The following CSMD1 variants were observed in gnomAD, a reference collection of about 807,000 sequenced individuals.
The protein encoded by CSMD1 is CUB and Sushi multiple domains 1.
A neutral mutation model predicts 417.5 loss-of-function variants in CSMD1; 213 were observed. That is an observed-to-expected ratio of 0.51 (90% confidence interval 0.46 to 0.57). The LOEUF (loss-of-function observed/expected upper bound fraction) is 0.57. Among genes scored for constraint, CSMD1 ranks in the 20% least tolerant of loss-of-function variants. CSMD1 has a pLI of 0.00. For missense variants in CSMD1, 6,923 were observed against 4,529.7 expected, an observed-to-expected ratio of 1.53 and a Z score of -15.17; for synonymous variants, 2,862 against 1,736.8, an observed-to-expected ratio of 1.65 and a Z score of -16.11.
chr8:3,247,023 G>C (rs977647467), intron 26 of CSMD1, among the ~76,000 whole-genome samples: 3 of 152,174 alleles, frequency 2.0e-5, no homozygotes, highest in African/African-American at 7.2e-5. Flanking sequence ...AGTGAACCAT[G>C]TATTCATTTT....
intron 3 of CSMD1, among the ~76,000 whole-genome samples, chr8:4,179,120 G>C (rs920275729): frequency 6.6e-6 from 1 of 152,150 alleles, no homozygotes; most frequent in African/African-American, 2.4e-5. Flanking sequence ...GCATCGCCAA[G>C]TCAATCCTAA....
At chr8:3,831,488 C>T (rs28737210) in intron 5 of CSMD1, among the ~76,000 whole-genome samples, 22,942 of 152,076 alleles carry the variant, frequency 0.15, 1,957 homozygotes, top group African/African-American at 0.22. Flanking sequence ...GGTACTGAAG[C>T]CCACAGTGTA....
At chr8:4,908,959 T>C (rs1316657082) in intron 1 of CSMD1, among the ~76,000 whole-genome samples, 1 of 152,220 alleles carries the variant, frequency 6.6e-6, no homozygotes, top group Non-Finnish European at 1.5e-5. Context: ...GTGTTTTCCT[T>C]GCCTTTAGCA....
intron 2 of CSMD1, among the ~76,000 whole-genome samples, chr8:4,598,250 C>T (rs1563321816): frequency 6.6e-6 from 1 of 152,176 alleles, no homozygotes; most frequent in Non-Finnish European, 1.5e-5. Flanking sequence ...ATTTATGCCA[C>T]ACTCACCTTG....
chr8:3,763,569 C>T (rs1032792022), intron 5 of CSMD1, among the ~76,000 whole-genome samples: 2 of 152,128 alleles, frequency 1.3e-5, no homozygotes, highest in African/African-American at 2.4e-5. Context: ...CAGGTGCTAG[C>T]CCCGTTTGGT....
intron 1 of CSMD1, among the ~76,000 whole-genome samples, chr8:4,979,866 T>C (rs1288406286): frequency 6.7e-6 from 1 of 150,174 alleles, no homozygotes; most frequent in Non-Finnish European, 1.5e-5. Context: ...TGAAACCCCA[T>C]CTCTACTAAA....
chr8:3,586,057 T>A, intron 9 of CSMD1, 79 bp downstream of exon 9: 1 of 1,428,972 alleles, frequency 7.0e-7, no homozygotes, highest in South Asian at 1.3e-5. Context: ...CAATGCTTCA[T>A]GCTTAAATTG....
chr8:4,329,945 C>T (rs1027565910), intron 3 of CSMD1, among the ~76,000 whole-genome samples: 8 of 152,046 alleles, frequency 5.3e-5, no homozygotes, highest in African/African-American at 1.7e-4. Flanking sequence ...TTGCTTTCTG[C>T]CATGACTGGA....
At chr8:4,526,205 T>C (rs988540015) in intron 2 of CSMD1, among the ~76,000 whole-genome samples, 2 of 152,224 alleles carry the variant, frequency 1.3e-5, no homozygotes, top group Non-Finnish European at 2.9e-5. Flanking sequence ...GTTCACAGTA[T>C]TATTTCATGC....
At chr8:3,980,583 C>T (rs1241972078) in intron 5 of CSMD1, among the ~76,000 whole-genome samples, 2 of 152,048 alleles carry the variant, frequency 1.3e-5, no homozygotes, top group African/African-American at 4.8e-5. Context: ...AAATAGTTTC[C>T]CCCCTTGTTA....
chr8:3,199,013 G>C (rs529866923), intron 33 of CSMD1, among the ~76,000 whole-genome samples: 1 of 152,090 alleles, frequency 6.6e-6, no homozygotes, highest in Non-Finnish European at 1.5e-5. Flanking sequence ...CAAGCTCCAC[G>C]CAAAGACTTA....
At chr8:4,082,471 G>C (rs1306357849) in intron 3 of CSMD1, among the ~76,000 whole-genome samples, 1 of 151,986 alleles carries the variant, frequency 6.6e-6, no homozygotes, top group African/African-American at 2.4e-5. Flanking sequence ...AGTAGTTCTA[G>C]GAGATTAACG....
chr8:4,397,190 T>C (rs915401234), intron 3 of CSMD1, among the ~76,000 whole-genome samples: 1 of 152,210 alleles, frequency 6.6e-6, no homozygotes, highest in Non-Finnish European at 1.5e-5. Flanking sequence ...ATGTATGTGT[T>C]TGATCCTATT....
chr8:3,462,543 C>G (rs2117159683), intron 12 of CSMD1, among the ~76,000 whole-genome samples: 1 of 152,292 alleles, frequency 6.6e-6, no homozygotes, highest in East Asian at 1.9e-4. Context: ...AATCTAATAC[C>G]TGATGATCTG....
intron 5 of CSMD1, among the ~76,000 whole-genome samples, chr8:3,911,633 G>C (rs972679607): frequency 4.0e-5 from 6 of 151,806 alleles, no homozygotes; most frequent in South Asian, 2.1e-4. Flanking sequence ...TTAATAACTA[G>C]GAGTGGCTTT....
At chr8:3,549,422 T>C (rs978811005) in intron 10 of CSMD1, among the ~76,000 whole-genome samples, 5 of 152,250 alleles carry the variant, frequency 3.3e-5, no homozygotes, top group African/African-American at 1.2e-4. Flanking sequence ...ATGCTTTGAA[T>C]GTTTATGGCC....
At chr8:4,822,718 C>A (rs2117393916) in intron 1 of CSMD1, among the ~76,000 whole-genome samples, 1 of 152,158 alleles carries the variant, frequency 6.6e-6, no homozygotes, top group South Asian at 2.1e-4. Flanking sequence ...TATATGTAAG[C>A]TTTCATAAGA....
intron 10 of CSMD1, among the ~76,000 whole-genome samples, chr8:3,567,756 C>G (rs145680404): frequency 6.8e-4 from 104 of 152,298 alleles, no homozygotes; most frequent in African/African-American, 2.4e-3. Flanking sequence ...TCTGAGACCT[C>G]TCTGCCCCCT....
chr8:3,365,881 C>T (rs928853402), intron 20 of CSMD1, among the ~76,000 whole-genome samples: 1 of 152,200 alleles, frequency 6.6e-6, no homozygotes, highest in Non-Finnish European at 1.5e-5. Context: ...ATGAGTAACT[C>T]ATCTTACAGT....
Sources: gnomAD v4.1 joint callset for allele counts (sites outside exome capture counted in the v4.1 genomes callset) on GRCh38, gnomAD v4.1.1 for gene constraint, MANE v1.5 for transcripts, NCBI Gene and HGNC (gene_info 2026-07-23, HGNC 2026-07-21) for gene names.